Variants in TRAPPC12 observed in about 807,000 individuals in gnomAD.
TRAPPC12 encodes the protein TPR repeat protein 15.
In TRAPPC12, 61 loss-of-function variants were observed where a neutral mutation model predicts 69.2. The observed-to-expected ratio is 0.88, with a 90% CI of 0.72 to 1.09. The LOEUF (loss-of-function observed/expected upper bound fraction) is 1.09. Ranked by LOEUF, TRAPPC12 falls within the 50% of genes least tolerant of loss-of-function variation. The probability of loss-of-function intolerance (pLI) is 0.00; values close to 1 mark genes in which losing one functional copy is unlikely to be tolerated. For synonymous variants in TRAPPC12, 469 were observed against 438.9 expected, an observed-to-expected ratio of 1.07 and a Z score of -0.86; for missense variants, 1,101 against 1,016.4, an observed-to-expected ratio of 1.08 and a Z score of -1.13.
chr2:3,456,871 T>C, intron 6 of TRAPPC12: 2 of 312,298 alleles, frequency 6.4e-6, no homozygotes, highest in Non-Finnish European at 1.2e-5. Context: ...GAGCCACCGC[T>C]CAATCCCAGA....
intron 5 of TRAPPC12, among the ~76,000 whole-genome samples, chr2:3,431,002 C>T (rs141585481): frequency 0.018 from 2,733 of 152,276 alleles, 31 homozygotes; most frequent in Non-Finnish European, 0.028. Context: ...TGGGACCGTC[C>T]GCTGGGTGTG....
At position 3,458,025 on chromosome 2, in the gene TRAPPC12, G is replaced by A. The variant is rs544947256; in HGVS notation, c.1603+332G>A. 96 of 1,140,002 alleles carry A rather than the reference G, an allele frequency of 8.4e-5. 1 individual carries two copies. Among genetic ancestry groups the A allele is most frequent in the Non-Finnish European group, 1.0e-4 (95 of 924,826 alleles). 70.6% of individuals were successfully genotyped at this position (1,140,002 alleles called of 1,614,324 possible). On this transcript the variant is annotated intron_variant, in intron 7 of 11. Transcript: ENST00000324266. Reference sequence around the variant, plus strand: ...AGCCCAGCCGAAGGGGCCCAGAGGGGCCTCTGCGTCGGGGAGAGAGGCCTC... The same window carrying A: ...AGCCCAGCCGAAGGGGCCCAGAGGGACCTCTGCGTCGGGGAGAGAGGCCTC...
At chr2:3,401,132 T>C (rs1661421930) in intron 2 of TRAPPC12, among the ~76,000 whole-genome samples, 1 of 152,212 alleles carries the variant, frequency 6.6e-6, no homozygotes, top group Non-Finnish European at 1.5e-5. Flanking sequence ...CAGCAGCTCC[T>C]GGAGCAAGGC....
chr2:3,394,072 C>T (rs531787250), intron 2 of TRAPPC12, among the ~76,000 whole-genome samples: 1 of 152,286 alleles, frequency 6.6e-6, no homozygotes, highest in East Asian at 1.9e-4. Context: ...TGGGCCAGCA[C>T]TGTGGATTGA....
intron 5 of TRAPPC12, among the ~76,000 whole-genome samples, chr2:3,431,022 T>C (rs529194850): frequency 6.6e-6 from 1 of 152,348 alleles, no homozygotes; most frequent in South Asian, 2.1e-4. Context: ...GGAGGAGCTC[T>C]GGGAGATGCG....
At chr2:3,449,851 A>G (rs1188607748) in intron 6 of TRAPPC12, among the ~76,000 whole-genome samples, 2 of 152,160 alleles carry the variant, frequency 1.3e-5, no homozygotes, top group East Asian at 1.9e-4. Flanking sequence ...TGGCTTAATC[A>G]GATGAGATGG....
At position 3,388,497 on chromosome 2, in the gene TRAPPC12, G is replaced by T; in HGVS notation, c.874G>T (p.Asp292Tyr). ...HIQAVFAGSD[D>Y]PFATALSMSE... ...CCAGGCAGTGTTTGCAGGGAGTGAC[G>T]ACCCCTTTGCCACCGCCCTGAGCAT... The change falls in exon 2 of 12, where the codon GAC becomes TAC. Residue 292 changes from aspartate (D) to tyrosine (Y), a missense_variant. Coordinates refer to ENST00000324266, the MANE Select transcript of TRAPPC12 (RefSeq NM_016030.6). 1.9e-6 allele frequency: 3 copies of T among 1,612,764 alleles called. No individual in the cohort carries two copies. The highest frequency in any genetic ancestry group is 1.7e-6 in the Non-Finnish European group (2 of 1,179,690).
chr2:3,441,758 T>C (rs1182850270), intron 5 of TRAPPC12, among the ~76,000 whole-genome samples: 1 of 152,014 alleles, frequency 6.6e-6, no homozygotes, highest in Non-Finnish European at 1.5e-5. Context: ...TATTGCTCTT[T>C]CTTTCCTTCT....
intron 6 of TRAPPC12, among the ~76,000 whole-genome samples, chr2:3,447,446 C>T (rs916839874): frequency 4.6e-5 from 7 of 152,144 alleles, no homozygotes; most frequent in African/African-American, 1.7e-4. Flanking sequence ...AAGTGTGTCA[C>T]ATGGTGAGAA....
intron 5 of TRAPPC12, among the ~76,000 whole-genome samples, chr2:3,425,017 G>T (rs1398502705): frequency 1.3e-5 from 2 of 152,256 alleles, no homozygotes; most frequent in Non-Finnish European, 1.5e-5. Context: ...ATGCAGAGCG[G>T]TGGAACCAAA....
chr2:3,441,901 G>A (rs1259017269), intron 5 of TRAPPC12, among the ~76,000 whole-genome samples: 1 of 152,008 alleles, frequency 6.6e-6, no homozygotes, highest in African/African-American at 2.4e-5. Context: ...TTTTCACTTA[G>A]TTCAAAATAT....
chr2:3,415,873 C>T (rs1201255376), intron 3 of TRAPPC12, among the ~76,000 whole-genome samples: 1 of 152,120 alleles, frequency 6.6e-6, no homozygotes, highest in African/African-American at 2.4e-5. Context: ...CCCACCACCA[C>T]GCCTGGCTAA....
intron 3 of TRAPPC12, among the ~76,000 whole-genome samples, chr2:3,416,414 C>T (rs1662396096): frequency 6.6e-6 from 1 of 152,208 alleles, no homozygotes; most frequent in African/African-American, 2.4e-5. Context: ...CAGTTCTGTC[C>T]TTGGAAGCTG....
chr2:3,469,208 A>G (rs1437158899), intron 9 of TRAPPC12, among the ~76,000 whole-genome samples: 1 of 152,184 alleles, frequency 6.6e-6, no homozygotes, highest in Non-Finnish European at 1.5e-5. Flanking sequence ...GCACCTCATC[A>G]GTACCTGTAT....
chr2:3,464,282 C>T (rs185282944), intron 8 of TRAPPC12, among the ~76,000 whole-genome samples: 24 of 152,344 alleles, frequency 1.6e-4, no homozygotes, highest in Non-Finnish European at 3.2e-4. Context: ...CATGTGCTGT[C>T]TGGCTCGTCA....
At position 3,479,291 on chromosome 2, in the gene TRAPPC12, A is replaced by G. The variant is rs1353577053; in HGVS notation, c.2038A>G (p.Met680Val). Residue 680 changes from methionine to valine, a missense_variant, in exon 12 of 12, where the codon ATG becomes GTG. Coordinates refer to ENST00000324266, the MANE Select transcript of TRAPPC12 (RefSeq NM_016030.6). ...GGACTCCCTGCGGCAGCTGGAGGCCATGGTCCAGCAGGACCCCAGGCACTA... is the reference window on the plus strand; with the variant it reads ...GGACTCCCTGCGGCAGCTGGAGGCCGTGGTCCAGCAGGACCCCAGGCACTA... The part of the protein sequence containing the change: ...LKDSLRQLEA[M>V]VQQDPRHYLH... 1.2e-6 allele frequency: 2 copies of G among 1,614,064 alleles called. No homozygotes were observed. The highest frequency in any genetic ancestry group is 2.7e-5 in the African/African-American group (2 of 74,946).
At chr2:3,404,189 G>C (rs1661603354) in intron 3 of TRAPPC12, among the ~76,000 whole-genome samples, 1 of 152,122 alleles carries the variant, frequency 6.6e-6, no homozygotes, top group African/African-American at 2.4e-5. Flanking sequence ...AAGCATGGGT[G>C]GGGGCTGTAC....
At chr2:3,455,236 TA>T (rs1257397957) in intron 6 of TRAPPC12, 1 of 152,252 alleles carries the variant, frequency 6.6e-6, no homozygotes, top group Non-Finnish European at 1.5e-5. Context: ...TAATAAATTT[TA>T]ATTTTTGTAG....
intron 5 of TRAPPC12, among the ~76,000 whole-genome samples, chr2:3,439,965 C>T (rs531353774): frequency 2.9e-4 from 44 of 152,000 alleles, no homozygotes; most frequent in African/African-American, 9.9e-4. Context: ...ATTGAATTAC[C>T]TTTATTCCTT....
Sources: allele counts gnomAD v4.1 joint callset (sites outside exome capture counted in the v4.1 genomes callset), GRCh38; gene constraint gnomAD v4.1.1; transcripts MANE v1.5; gene names NCBI Gene and HGNC (gene_info 2026-07-23, HGNC 2026-07-21).